The following STAU2 variants were observed in gnomAD, a reference collection of about 807,000 sequenced individuals.
The protein encoded by STAU2 is staufen double-stranded RNA binding protein 2.
In STAU2, 20 loss-of-function variants were observed where a neutral mutation model predicts 65.9. The ratio of observed to expected loss-of-function variants is 0.30; its 90% confidence interval spans 0.21 to 0.44. STAU2 has a LOEUF of 0.44. Ranked by LOEUF, STAU2 falls within the 20% of genes least tolerant of loss-of-function variation. The pLI is 1.00. For missense variants in STAU2, 558 were observed against 683.9 expected, an observed-to-expected ratio of 0.82 and a Z score of 2.05; for synonymous variants, 232 against 233.9, an observed-to-expected ratio of 0.99 and a Z score of 0.07.
chr8:73,719,697 A>G (rs1821504546), intron 3 of STAU2, among the ~76,000 whole-genome samples: 1 of 152,228 alleles, frequency 6.6e-6, no homozygotes, highest in Non-Finnish European at 1.5e-5. Flanking sequence ...TCCTTTTAAT[A>G]AACTGTTGAA....
intron 13 of STAU2, among the ~76,000 whole-genome samples, chr8:73,493,086 G>GA (rs1821227121): frequency 6.6e-6 from 1 of 151,774 alleles, no homozygotes; most frequent in Non-Finnish European, 1.5e-5. Flanking sequence ...TATCCATGTG[G>GA]AAAAAATAAA....
intron 4 of STAU2, among the ~76,000 whole-genome samples, chr8:73,695,964 G>A (rs934496847): frequency 2.6e-5 from 4 of 152,194 alleles, no homozygotes; most frequent in Admixed American, 2.6e-4. Flanking sequence ...CTGAAGGGAA[G>A]GGCCTTGGGC....
intron 12 of STAU2, among the ~76,000 whole-genome samples, chr8:73,555,728 T>C (rs1356496144): frequency 6.6e-6 from 1 of 152,266 alleles, no homozygotes; most frequent in East Asian, 1.9e-4. Context: ...ATAGGTTATA[T>C]GCAAATATGA....
In STAU2 at chr8:73,420,999, A is replaced by T. The variant is rs188780480; in HGVS notation, c.*373T>A. 296 of 183,856 alleles carry T rather than the reference A, an allele frequency of 1.6e-3. 2 individuals carry two copies. The highest frequency in any genetic ancestry group is 6.8e-3 in the Middle Eastern group (3 of 438). 11.4% of individuals were successfully genotyped at this position (183,856 alleles called of 1,614,324 possible). On this transcript the variant is annotated 3_prime_UTR_variant, in exon 15 of 15. Transcript: ENST00000524300. Reference sequence around the variant, plus strand: ...AGAGAGAATATAACTGAACACAAGCACCACGACAAAACAATCATAACAACA... The same window carrying T: ...AGAGAGAATATAACTGAACACAAGCTCCACGACAAAACAATCATAACAACA...
chr8:73,517,563 T>C (rs954116504), intron 13 of STAU2, among the ~76,000 whole-genome samples: 1 of 152,236 alleles, frequency 6.6e-6, no homozygotes, highest in Non-Finnish European at 1.5e-5. Flanking sequence ...ATCATGAACA[T>C]CAAATTATCT....
Position 73,738,282 on chromosome 8 carries a change from A to AC in STAU2, c.-18+1dup. ...ATGAAAAATGCCTTAACACAAACTC[A>AC]CCTGATTTATTTGAAGCATGTTAAG... On this transcript the variant is annotated splice_donor_variant, in intron 3 of 14. Coordinates refer to ENST00000524300, the MANE Select transcript of STAU2 (RefSeq NM_001164380.2). LOFTEE classifies it low-confidence loss of function (5UTR_SPLICE). 1 of 1,611,574 alleles carries AC rather than the reference A, an allele frequency of 6.2e-7. No homozygotes were observed. The highest frequency in any genetic ancestry group is 1.1e-5 in the South Asian group (1 of 90,518).
chr8:73,523,921 C>A (rs73686991), intron 13 of STAU2, among the ~76,000 whole-genome samples: 1 of 152,036 alleles, frequency 6.6e-6, no homozygotes, highest in South Asian at 2.1e-4. Context: ...ATTTTTCACA[C>A]CTATAATCCC....
chr8:73,618,914 G>T (rs1447516757), intron 6 of STAU2, among the ~76,000 whole-genome samples: 1 of 152,204 alleles, frequency 6.6e-6, no homozygotes, highest in African/African-American at 2.4e-5. Context: ...CTGGAAAATG[G>T]AGTACCCATC....
At chr8:73,707,702 G>A (rs1407452917) in intron 4 of STAU2, among the ~76,000 whole-genome samples, 4 of 151,846 alleles carry the variant, frequency 2.6e-5, no homozygotes. Context: ...TATACTACAG[G>A]GACCAAGAAA....
intron 11 of STAU2, among the ~76,000 whole-genome samples, chr8:73,585,194 C>A (rs1810272346): frequency 6.6e-6 from 1 of 152,154 alleles, no homozygotes; most frequent in Non-Finnish European, 1.5e-5. Context: ...CAATACTATA[C>A]AATTGGCTGG....
chr8:73,688,659 T>C lies in STAU2; in HGVS notation c.269A>G (p.Asn90Ser), dbSNP rs1285992354. ...QKPPKSNVNN[N>S]PGSITPTVEL... ...AGAAGGAGTCACTGCCATACCTGGGTTATTGTTAACATTACTTTTGGGTGG... is the reference window on the plus strand; with the variant it reads ...AGAAGGAGTCACTGCCATACCTGGGCTATTGTTAACATTACTTTTGGGTGG... Residue 90 changes from asparagine to serine, a missense_variant, in exon 5 of 15, where the codon AAC becomes AGC. Physicochemically the swap from Asn to Ser is conservative, Grantham distance 46 (BLOSUM62 1). Transcript: ENST00000524300. 7 of 1,613,830 alleles carry C rather than the reference T, an allele frequency of 4.3e-6. No individual in the cohort carries two copies. The Admixed American group carries it at 5.0e-5, about 12-fold the overall frequency.
chr8:73,495,899 C>T (rs945068440), intron 13 of STAU2, among the ~76,000 whole-genome samples: 65 of 151,316 alleles, frequency 4.3e-4, no homozygotes, highest in Admixed American at 1.6e-3. Context: ...TTTGTCTCCC[C>T]GCACACATAT....
rs569237751 is a variant in STAU2 at position 73,640,827 on chromosome 8, T to C, written c.411-23376A>G. ...TCTAATAACTGAATATCAATAATGTTGCATTTTTACTATGCCATTATTTTT... is the reference window on the plus strand; with the variant it reads ...TCTAATAACTGAATATCAATAATGTCGCATTTTTACTATGCCATTATTTTT... On this transcript the variant is annotated intron_variant, in intron 6 of 14. Coordinates refer to ENST00000524300, the MANE Select transcript of STAU2 (RefSeq NM_001164380.2). Among the ~76,000 whole-genome samples, 5 of 152,338 alleles carry C rather than the reference T, an allele frequency of 3.3e-5. No homozygotes were observed. In the South Asian group the frequency reaches 1.0e-3, roughly 32 times the overall value.
At chr8:73,451,425 C>T (rs1818793924) in intron 13 of STAU2, among the ~76,000 whole-genome samples, 1 of 151,984 alleles carries the variant, frequency 6.6e-6, no homozygotes, top group Non-Finnish European at 1.5e-5. Context: ...TCACAGAGAA[C>T]TTGTTTGGGG....
At chr8:73,658,669 C>G (rs1816572213) in intron 6 of STAU2, among the ~76,000 whole-genome samples, 1 of 152,020 alleles carries the variant, frequency 6.6e-6, no homozygotes, top group Non-Finnish European at 1.5e-5. Context: ...AATCCCAGCA[C>G]TTTGGGAGCC....
chr8:73,489,814 C>A (rs28541868), intron 13 of STAU2, among the ~76,000 whole-genome samples: 26 of 152,094 alleles, frequency 1.7e-4, no homozygotes, highest in African/African-American at 6.3e-4. Context: ...AGACTCAGTT[C>A]TGCAGAAAGT....
intron 10 of STAU2, among the ~76,000 whole-genome samples, chr8:73,601,060 G>T (rs962936751): frequency 1.3e-5 from 2 of 152,040 alleles, no homozygotes; most frequent in Non-Finnish European, 2.9e-5. Context: ...TGTAAATATG[G>T]TCTCTACATT....
rs546603037 is a variant in STAU2 at position 73,610,365 on chromosome 8, C to A, written c.891+3379G>T. On this transcript the variant is annotated intron_variant, in intron 9 of 14. Coordinates refer to ENST00000524300, the MANE Select transcript of STAU2 (RefSeq NM_001164380.2). Reference sequence around the variant, plus strand: ...CAGCCTGGCCAACACAGTGAAACCCCATCTCTACCAAAAAATACCAAAATT... The same window carrying A: ...CAGCCTGGCCAACACAGTGAAACCCAATCTCTACCAAAAAATACCAAAATT... Among the ~76,000 whole-genome samples, 6 of 151,854 alleles carry A rather than the reference C, an allele frequency of 4.0e-5. No individual in the cohort carries two copies. In the East Asian group the frequency reaches 1.2e-3, roughly 29 times the overall value.
At chr8:73,695,180 A>G (rs1327977878) in intron 4 of STAU2, among the ~76,000 whole-genome samples, 1 of 152,178 alleles carries the variant, frequency 6.6e-6, no homozygotes, top group African/African-American at 2.4e-5. Flanking sequence ...AGGAAGTGCA[A>G]CTTGTAGCAA....
Sources: allele counts gnomAD v4.1 joint callset (sites outside exome capture counted in the v4.1 genomes callset), GRCh38; gene constraint gnomAD v4.1.1; transcripts MANE v1.5; gene names NCBI Gene and HGNC (gene_info 2026-07-23, HGNC 2026-07-21).